The following ARHGAP29 variants were observed in gnomAD, a reference collection of about 807,000 sequenced individuals.
ARHGAP29 encodes Rho GTPase activating protein 29.
A neutral mutation model predicts 122.6 loss-of-function variants in ARHGAP29; 43 were observed. That is an observed-to-expected ratio of 0.35 (90% CI 0.27 to 0.45). The LOEUF (loss-of-function observed/expected upper bound fraction) is 0.45. Among genes scored for constraint, ARHGAP29 ranks in the 20% least tolerant of loss-of-function variants. The probability of loss-of-function intolerance (pLI) is 1.00; values close to 1 mark genes in which losing one functional copy is unlikely to be tolerated. For synonymous variants in ARHGAP29, 506 were observed against 497.1 expected (o/e 1.02, Z -0.24); for missense variants, 1,303 against 1,477.2 (o/e 0.88, Z 1.93).
At chr1:94,268,351 C>T (rs1654855478) in intron 1 of ARHGAP29, among the ~76,000 whole-genome samples, 6 of 152,028 alleles carry the variant, frequency 3.9e-5, no homozygotes, top group Admixed American at 3.9e-4. Flanking sequence ...TCTCCTACAC[C>T]TACCACTCCC....
At chr1:94,273,198 A>G (rs914675415) in intron 1 of ARHGAP29, among the ~76,000 whole-genome samples, 1 of 152,216 alleles carries the variant, frequency 6.6e-6, no homozygotes, top group African/African-American at 2.4e-5. Flanking sequence ...GAAATCCTGA[A>G]TACTAAAGGC....
chr1:94,179,574 CAG>C (rs1649317726), intron 20 of ARHGAP29, 149 bp downstream of exon 20: 1 of 514,770 alleles, frequency 1.9e-6, no homozygotes, highest in Non-Finnish European at 3.1e-6. Flanking sequence ...GCCTGGGTGA[CAG>C]AGCGAGACTC....
chr1:94,272,995 C>T (rs1041630589), intron 1 of ARHGAP29, among the ~76,000 whole-genome samples: 1 of 152,172 alleles, frequency 6.6e-6, no homozygotes, highest in Non-Finnish European at 1.5e-5. Context: ...CAAATCCAGA[C>T]TGTAGAGTAA....
At chr1:94,276,491 GCA>G (rs1655194854), upstream of ARHGAP29, among the ~76,000 whole-genome samples, 2 of 151,172 alleles carry the variant, frequency 1.3e-5, no homozygotes, top group Non-Finnish European at 2.9e-5. Flanking sequence ...CTCAAGCTGG[GCA>G]CAGTGGTTCA....
chr1:94,173,958 G>A lies in ARHGAP29; in HGVS notation c.3697C>T (p.Pro1233Ser), dbSNP rs1165709629. 1 of 1,614,052 alleles carries A rather than the reference G, an allele frequency of 6.2e-7. No homozygotes were observed. The highest frequency in any genetic ancestry group is 8.5e-7 in the Non-Finnish European group (1 of 1,180,040). ...CTCTGACACATTGGATTCACATCAG[G>A]CAAGCCAAGCTCCTCAGAGTCTTCT... ...PKEDSEELGL[P>S]DVNPMCQRPR... The change falls in exon 23 of 23, where the codon CCT (proline) becomes TCT (serine). Residue 1233 changes from proline to serine, a missense_variant. Transcript: ENST00000260526.
At chr1:94,308,059 G>A in the ARHGAP29 span, among the ~76,000 whole-genome samples, 373 of 152,218 alleles carry the variant, frequency 2.5e-3, 2 homozygotes, top group Non-Finnish European at 4.2e-3. Flanking sequence ...ATTGCACGGG[G>A]CCTGGCACAA....
chr1:94,231,621 T>C lies in ARHGAP29; in HGVS notation c.-10A>G, dbSNP rs1333148719. On this transcript the variant is annotated 5_prime_UTR_variant, in exon 2 of 23. Coordinates refer to ENST00000260526, the MANE Select transcript of ARHGAP29 (RefSeq NM_004815.4). ...GTTTGTGAGCAATCATCCTTTCATG[T>C]AACAGTCAGAAAAACTGAAATCCTT... 9 of 1,609,708 alleles carry C rather than the reference T, an allele frequency of 5.6e-6. No individual in the cohort carries two copies. Among genetic ancestry groups the C allele is most frequent in the Admixed American group, 3.4e-5 (2 of 59,186 alleles).
upstream of ARHGAP29, among the ~76,000 whole-genome samples, chr1:94,279,736 A>G (rs1009907284): frequency 1.3e-5 from 2 of 152,142 alleles, no homozygotes; most frequent in Non-Finnish European, 2.9e-5. Flanking sequence ...CCGCACCTCT[A>G]CACCCATTCC....
At chr1:94,291,137 T>C in the ARHGAP29 span, among the ~76,000 whole-genome samples, 1 of 152,240 alleles carries the variant, frequency 6.6e-6, no homozygotes, top group Non-Finnish European at 1.5e-5. Flanking sequence ...GATAGTTAGC[T>C]CTTCTTGTTG....
intron 2 of ARHGAP29, among the ~76,000 whole-genome samples, chr1:94,225,841 T>G (rs1433554018): frequency 6.6e-6 from 1 of 152,058 alleles, no homozygotes; most frequent in Non-Finnish European, 1.5e-5. Flanking sequence ...TCACCTAGAA[T>G]AGTAAAACTC....
intron 5 of ARHGAP29, among the ~76,000 whole-genome samples, chr1:94,207,264 C>T (rs1651264050): frequency 6.6e-6 from 1 of 151,994 alleles, no homozygotes; most frequent in South Asian, 2.1e-4. Flanking sequence ...CCACTTCGCC[C>T]TCCCAAAGTA....
In ARHGAP29 at chr1:94,202,970, T is replaced by C. The variant is rs747093779; in HGVS notation, c.902A>G (p.Glu301Gly). Residue 301 changes from glutamate to glycine, a missense_variant, in exon 10 of 23, where the codon GAA becomes GGA. By Grantham distance (98) the Glu-to-Gly change is moderately conservative. Transcript: ENST00000260526. ...QPLLGRKNEM[E>G]KQRKEIKELW... Reference sequence around the variant, plus strand: ...CTCTTTTATTTCTTTCCTTTGTTTTTCCATTTCATTTTTCCTTCCAAGTAG... The same window carrying C: ...CTCTTTTATTTCTTTCCTTTGTTTTCCCATTTCATTTTTCCTTCCAAGTAG... 8 of 1,609,304 alleles carry C rather than the reference T, an allele frequency of 5.0e-6. No individual in the cohort carries two copies. The South Asian group carries it at 5.6e-5, about 11-fold the overall frequency.
chr1:94,222,925 T>C (rs914577199), intron 2 of ARHGAP29, among the ~76,000 whole-genome samples: 4 of 147,170 alleles, frequency 2.7e-5, no homozygotes, highest in Non-Finnish European at 5.9e-5. Flanking sequence ...TTATGTGCTG[T>C]TGAAATTTTC....
intron 1 of ARHGAP29, among the ~76,000 whole-genome samples, chr1:94,271,602 A>C (rs1654996910): frequency 6.6e-6 from 1 of 152,216 alleles, no homozygotes; most frequent in East Asian, 1.9e-4. Flanking sequence ...GGAATGGCCT[A>C]CTGAACATGC....
chr1:94,279,661 A>T (rs911124158), upstream of ARHGAP29, among the ~76,000 whole-genome samples: 4 of 152,122 alleles, frequency 2.6e-5, no homozygotes, highest in African/African-American at 9.7e-5. Flanking sequence ...TTGTTCTGTG[A>T]CTCACTGAAT....
the ARHGAP29 span, among the ~76,000 whole-genome samples, chr1:94,295,140 G>A: frequency 6.6e-6 from 1 of 152,214 alleles, no homozygotes; most frequent in South Asian, 2.1e-4. Context: ...AAGGATTGGA[G>A]TTAAGGCTGG....
the ARHGAP29 span, among the ~76,000 whole-genome samples, chr1:94,306,304 A>G: frequency 5.9e-5 from 9 of 152,336 alleles, 1 homozygote; most frequent in East Asian, 1.7e-3. Context: ...GCTGTTAATC[A>G]TCCTGCTGAA....
chr1:94,185,087 G>A (rs1649712483), intron 17 of ARHGAP29, 27 bp from the exon 18 acceptor site: 3 of 1,583,860 alleles, frequency 1.9e-6, no homozygotes, highest in Admixed American at 3.6e-5. Context: ...GTTTGAAACT[G>A]GTTAACCTTA....
At chr1:94,183,488 A>G (rs753645058) in intron 19 of ARHGAP29, among the ~76,000 whole-genome samples, 1 of 151,852 alleles carries the variant, frequency 6.6e-6, no homozygotes, top group Non-Finnish European at 1.5e-5. Flanking sequence ...CAGGTTTAAC[A>G]GTGAGAAAAA....
Sources: gnomAD v4.1 joint callset for allele counts (sites outside exome capture counted in the v4.1 genomes callset) on GRCh38, gnomAD v4.1.1 for gene constraint, MANE v1.5 for transcripts, NCBI Gene and HGNC (gene_info 2026-07-23, HGNC 2026-07-21) for gene names.